Variants in LRPPRC observed in about 807,000 individuals in gnomAD.
LRPPRC encodes leucine rich pentatricopeptide repeat containing.
In LRPPRC, 120 loss-of-function variants were observed where a neutral mutation model predicts 180.3. The ratio of observed to expected loss-of-function variants is 0.67; its 90% CI spans 0.57 to 0.77. LRPPRC has a LOEUF of 0.77. Ranked by LOEUF, LRPPRC falls within the 30% of genes least tolerant of loss-of-function variation. The pLI, the probability that LRPPRC is intolerant of heterozygous loss-of-function variation, is 0.00. For synonymous variants in LRPPRC, 723 were observed against 600.0 expected, an observed-to-expected ratio of 1.21 and a Z score of -3.00; for missense variants, 2,012 against 1,657.2, an observed-to-expected ratio of 1.21 and a Z score of -3.72.
chr2:43,974,478 G>C (rs764932852), intron 8 of LRPPRC, 136 bp downstream of exon 8: 1 of 812,080 alleles, frequency 1.2e-6, no homozygotes, highest in Non-Finnish European at 2.0e-6. Context: ...CATGTTTTTG[G>C]GCTTATTTAA....
At chr2:43,943,656 A>G in intron 23 of LRPPRC, 31 bp downstream of exon 23, 1 of 1,545,294 alleles carries the variant, frequency 6.5e-7, no homozygotes, top group Non-Finnish European at 9.0e-7. Flanking sequence ...TTTAATGCCA[A>G]CATTTAAAAT....
rs1332238716 is a variant in LRPPRC at position 43,945,443 on chromosome 2, T to C, written c.2211-26A>G. On this transcript the variant is annotated intron_variant, in intron 21 of 37. Coordinates refer to ENST00000260665, the MANE Select transcript of LRPPRC (RefSeq NM_133259.4). ...CTAAAAATTAAAGCCACATTTATATTGTTTTAAAAGTCAATTAACTGCTAA... is the reference window on the plus strand; with the variant it reads ...CTAAAAATTAAAGCCACATTTATATCGTTTTAAAAGTCAATTAACTGCTAA... The C allele has an allele frequency of 1.5e-5, 21 of 1,395,856 alleles. No individual in the cohort carries two copies. In the East Asian group the frequency reaches 4.8e-4, roughly 32 times the overall value. The allele number at this position is 1,395,856 out of a possible 1,614,324, so 86.5% of individuals were successfully genotyped here.
At chr2:43,986,115 A>G (rs1294618907) in intron 1 of LRPPRC, among the ~76,000 whole-genome samples, 1 of 152,040 alleles carries the variant, frequency 6.6e-6, no homozygotes, top group Non-Finnish European at 1.5e-5. Flanking sequence ...TTTCTGGTGA[A>G]GTATTTTCTG....
rs143168555 is a variant in LRPPRC, at chr2:43,931,267, C to A, written c.2736+2923G>T. On this transcript the variant is annotated intron_variant, in intron 25 of 37. Coordinates refer to ENST00000260665, the MANE Select transcript of LRPPRC (RefSeq NM_133259.4). ...TAGCATTTCGTATTCTAACCTCTTC[C>A]CTTGGGTTTGATTCCCAAGAGTTCT... Among the ~76,000 whole-genome samples the A allele has an allele frequency of 1.2e-4, 19 of 152,234 alleles. 1 individual carries two copies. The East Asian group carries it at 3.7e-3, about 29-fold the overall frequency.
At chr2:43,939,235 C>CG (rs1253594816) in intron 23 of LRPPRC, among the ~76,000 whole-genome samples, 1 of 151,716 alleles carries the variant, frequency 6.6e-6, no homozygotes, top group African/African-American at 2.4e-5. Flanking sequence ...GAGCCAAGAT[C>CG]GTGCCACTGC....
intron 14 of LRPPRC, among the ~76,000 whole-genome samples, chr2:43,952,955 G>C (rs1464682558): frequency 2.0e-5 from 3 of 152,088 alleles, no homozygotes; most frequent in African/African-American, 7.2e-5. Flanking sequence ...TCCTAACTTA[G>C]AATGAGACTA....
At chr2:43,897,571 C>T (rs1024509348) in intron 34 of LRPPRC, among the ~76,000 whole-genome samples, 1 of 152,078 alleles carries the variant, frequency 6.6e-6, no homozygotes, top group African/African-American at 2.4e-5. Context: ...TAATCTTTTA[C>T]TGTTTGACAA....
At chr2:43,969,649 A>G (rs1011057411) in intron 11 of LRPPRC, among the ~76,000 whole-genome samples, 2 of 152,208 alleles carry the variant, frequency 1.3e-5, no homozygotes, top group South Asian at 2.1e-4. Flanking sequence ...AAATATGTGC[A>G]GAATCCTAAA....
chr2:43,911,122 C>T (rs956888243), intron 30 of LRPPRC, among the ~76,000 whole-genome samples: 1 of 148,908 alleles, frequency 6.7e-6, no homozygotes, highest in African/African-American at 2.5e-5. Context: ...TTCCAAGTCA[C>T]TAATTAAGGG....
Position 43,918,114 on chromosome 2 carries a change from T to C in LRPPRC, c.3059A>G (p.Lys1020Arg). Residue 1020 changes from lysine (K) to arginine (R), a missense_variant, in exon 29 of 38, where the codon AAA becomes AGA. By Grantham distance (26) the Lys-to-Arg change is conservative. Coordinates refer to ENST00000260665, the MANE Select transcript of LRPPRC (RefSeq NM_133259.4). Reference sequence around the variant, plus strand: ...GGCTGACGAAGAATTCAGGGAATGTTTTTCATCTTCATACCACAACTTTAA... The same window carrying C: ...GGCTGACGAAGAATTCAGGGAATGTCTTTCATCTTCATACCACAACTTTAA... ...DVPELWYEDEKHSLNSSSAST... is the reference protein window; with the variant it reads ...DVPELWYEDERHSLNSSSAST... 6.2e-7 allele frequency: 1 copy of C among 1,613,906 alleles called. No individual in the cohort carries two copies. Among genetic ancestry groups the C allele is most frequent in the Non-Finnish European group, 8.5e-7 (1 of 1,179,866 alleles).
chr2:43,938,192 A>AG (rs1672341579), intron 23 of LRPPRC, among the ~76,000 whole-genome samples: 1 of 152,022 alleles, frequency 6.6e-6, no homozygotes, highest in African/African-American at 2.4e-5. Flanking sequence ...TTTATAAAAA[A>AG]AAAAATCAAG....
intron 3 of LRPPRC, among the ~76,000 whole-genome samples, chr2:43,977,861 G>C (rs1006480092): frequency 1.6e-4 from 24 of 152,086 alleles, no homozygotes; most frequent in African/African-American, 5.3e-4. Context: ...ACTCTACTGA[G>C]TCATGACATC....
intron 13 of LRPPRC, among the ~76,000 whole-genome samples, chr2:43,959,881 C>T (rs560104830): frequency 6.6e-6 from 1 of 152,126 alleles, no homozygotes; most frequent in South Asian, 2.1e-4. Context: ...GAGACTGTGT[C>T]TCAAAAATAA....
At chr2:43,894,347 T>C (rs1670605175) in intron 36 of LRPPRC, among the ~76,000 whole-genome samples, 198 bp downstream of exon 36, 1 of 152,182 alleles carries the variant, frequency 6.6e-6, no homozygotes, top group Admixed American at 6.5e-5. Flanking sequence ...ATGCATAATT[T>C]CATATTTTTC....
At chr2:43,949,181 A>C (rs1029432497) in intron 16 of LRPPRC, among the ~76,000 whole-genome samples, 2 of 152,204 alleles carry the variant, frequency 1.3e-5, no homozygotes, top group African/African-American at 4.8e-5. Context: ...TTATATGAAA[A>C]ATGAAAATCA....
At chr2:43,956,261 T>A (rs1228414963) in intron 14 of LRPPRC, among the ~76,000 whole-genome samples, 1 of 152,120 alleles carries the variant, frequency 6.6e-6, no homozygotes, top group Non-Finnish European at 1.5e-5. Context: ...GACTCCTCAG[T>A]CAAAAAGTGA....
At chr2:43,896,593 C>T (rs757273495) in intron 35 of LRPPRC, 41 bp downstream of exon 35, 45 of 1,206,598 alleles carry the variant, frequency 3.7e-5, no homozygotes, top group Admixed American at 2.5e-4. Flanking sequence ...GAGCAAGGCA[C>T]GTACAGTATC....
upstream of LRPPRC, chr2:43,996,148 T>C (rs187222517): frequency 4.2e-5 from 23 of 542,476 alleles, no homozygotes; most frequent in East Asian, 2.4e-4. Context: ...ACATAAACGA[T>C]GTTGCTTGAT....
At chr2:43,983,182 TTA>T (rs1486239080) in intron 1 of LRPPRC, among the ~76,000 whole-genome samples, 1 of 152,166 alleles carries the variant, frequency 6.6e-6, no homozygotes, top group African/African-American at 2.4e-5. Context: ...GAATAGTACA[TTA>T]TGTGTTTACA....
Sources: gnomAD v4.1 joint callset for allele counts (sites outside exome capture counted in the v4.1 genomes callset) on GRCh38, gnomAD v4.1.1 for gene constraint, MANE v1.5 for transcripts, NCBI Gene and HGNC (gene_info 2026-07-23, HGNC 2026-07-21) for gene names.